FANCD2: variants seen among roughly 807,000 people sequenced by gnomAD.
The protein encoded by FANCD2 is Fanconi anemia group D2 protein.
Under a neutral mutation model 192.3 loss-of-function variants are expected in FANCD2, and 131 were observed. That is an observed-to-expected ratio of 0.68 (90% CI 0.59 to 0.79). The LOEUF (loss-of-function observed/expected upper bound fraction) is 0.79. Ranked by LOEUF, FANCD2 falls within the 30% of genes least tolerant of loss-of-function variation. FANCD2 has a pLI of 0.00. For synonymous variants in FANCD2, 524 were observed against 612.5 expected (o/e 0.86, Z 2.13); for missense variants, 1,508 against 1,701.6 (o/e 0.89, Z 2.00).
Position 10,043,509 on chromosome 3 carries a change from G to T in FANCD2, c.1015G>T (p.Gly339Cys). The T allele has an allele frequency of 6.2e-7, 1 of 1,613,758 alleles. No individual in the cohort carries two copies. Among genetic ancestry groups the T allele is most frequent in the Non-Finnish European group, 8.5e-7 (1 of 1,179,748 alleles). ...ASSSGNQESS[G>C]QSCIILLFDV... ...TTCCTCAGGAAATCAAGAAAGCAGC[G>T]GTCAGAGCTGTATTATTCTCCTCTT... is the stretch of plus-strand genomic sequence containing the variant. Residue 339 changes from glycine to cysteine, a missense_variant, in exon 13 of 44, where the codon GGT (glycine) becomes TGT (cysteine). Coordinates refer to ENST00000675286, the MANE Select transcript of FANCD2 (RefSeq NM_001018115.3).
intron 41 of FANCD2, 189 bp downstream of exon 41, chr3:10,095,463 CA>C (rs1694897826): frequency 3.3e-6 from 2 of 609,590 alleles, no homozygotes. Flanking sequence ...GGAATCTCCG[CA>C]TCTGAAATTT....
chr3:10,062,694 G>A (rs1438798436), intron 20 of FANCD2, among the ~76,000 whole-genome samples: 1 of 152,020 alleles, frequency 6.6e-6, no homozygotes, highest in Non-Finnish European at 1.5e-5. Context: ...ACTGGCTTGG[G>A]TAGCATTTAT....
chr3:10,079,773 A>G (rs1693731746), intron 30 of FANCD2, among the ~76,000 whole-genome samples: 1 of 152,246 alleles, frequency 6.6e-6, no homozygotes. Context: ...AGATGTGTAT[A>G]CAGTGTACAA....
chr3:10,042,684 A>G, intron 11 of FANCD2, 21 bp downstream of exon 11: 4 of 1,590,470 alleles, frequency 2.5e-6, no homozygotes, highest in Non-Finnish European at 3.5e-6. Flanking sequence ...ATATCCCATC[A>G]CACCTAGATA....
chr3:10,052,030 T>A (rs900115025), intron 17 of FANCD2, among the ~76,000 whole-genome samples: 2 of 152,150 alleles, frequency 1.3e-5, no homozygotes, highest in Non-Finnish European at 2.9e-5. Flanking sequence ...AGGTAAAGAA[T>A]ACCGAGAACT....
chr3:10,046,238 A>G (rs1228757709), intron 14 of FANCD2, among the ~76,000 whole-genome samples: 3 of 151,782 alleles, frequency 2.0e-5, no homozygotes, highest in African/African-American at 4.8e-5. Flanking sequence ...TATTTTTAGT[A>G]GAGACGGGGT....
chr3:10,091,044 T>C (rs1430276113), intron 37 of FANCD2, among the ~76,000 whole-genome samples: 5 of 151,830 alleles, frequency 3.3e-5, no homozygotes, highest in African/African-American at 1.2e-4. Context: ...AGGGCTAGCA[T>C]AGGGAAGCAG....
At chr3:10,037,498 C>T (rs192103276) in intron 7 of FANCD2, 8 of 152,192 alleles carry the variant, frequency 5.3e-5, no homozygotes, top group Admixed American at 2.6e-4. Flanking sequence ...TGTCATGTCT[C>T]CTCATTTATC....
rs2086699331 is a variant in FANCD2 at position 10,035,219 on chromosome 3, A to T, written c.424A>T (p.Ile142Phe). The T allele has an allele frequency of 6.2e-7, 1 of 1,613,432 alleles. No homozygotes were observed. The highest frequency in any genetic ancestry group is 1.3e-5 in the African/African-American group (1 of 74,874). ...SKSLIKLLLG[I>F]DILQPAIIKT... is the part of the protein sequence containing the mutation. The stretch of plus-strand genomic sequence containing the variant: ...GAGTCTCATCAAACTGCTTCTGGGG[A>T]TTGACATACTGCAGGTAAGACTGTC... The change falls in exon 6 of 44, where the codon ATT becomes TTT. Residue 142 changes from isoleucine (I) to phenylalanine (F), a missense_variant. Coordinates refer to ENST00000675286, the MANE Select transcript of FANCD2 (RefSeq NM_001018115.3).
At position 10,090,273 on chromosome 3, in the gene FANCD2, T is replaced by C; in HGVS notation, c.3684-19T>C. 1 of 1,594,790 alleles carries C rather than the reference T, an allele frequency of 6.3e-7. No individual in the cohort carries two copies. The highest frequency in any genetic ancestry group is 8.6e-7 in the Non-Finnish European group (1 of 1,163,194). Reference sequence around the variant, plus strand: ...CAGTGCATCATGGTGTGGGCACGCATGCTTTTCCCGTCTTCTAGGCATACT... The same window carrying C: ...CAGTGCATCATGGTGTGGGCACGCACGCTTTTCCCGTCTTCTAGGCATACT... On this transcript the variant is annotated intron_variant, in intron 36 of 43. Coordinates refer to ENST00000675286, the MANE Select transcript of FANCD2 (RefSeq NM_001018115.3).
chr3:10,066,937 C>A (rs1489051096), intron 25 of FANCD2, among the ~76,000 whole-genome samples: 1 of 152,094 alleles, frequency 6.6e-6, no homozygotes, highest in East Asian at 1.9e-4. Context: ...GTTGGCCAGA[C>A]TGGTCTCAAA....
At chr3:10,061,001 A>G (rs956670933) in intron 19 of FANCD2, among the ~76,000 whole-genome samples, 23 of 152,220 alleles carry the variant, frequency 1.5e-4, no homozygotes, top group Non-Finnish European at 2.9e-5. Flanking sequence ...AGGAGTCACA[A>G]TGGTGGGAGC....
intron 2 of FANCD2, chr3:10,032,439 C>A: frequency 3.6e-6 from 1 of 274,316 alleles, no homozygotes; most frequent in Non-Finnish European, 6.7e-6. Flanking sequence ...CGTCTCCTCA[C>A]CTAACTAGTT....
At chr3:10,034,324 C>CAAAAAAAAAAA (rs879221957) in intron 3 of FANCD2, 145 bp from the exon 4 acceptor site, 3 of 418,268 alleles carry the variant, frequency 7.2e-6, no homozygotes, top group South Asian at 2.2e-5. Context: ...AACTCCATCT[C>CAAAAAAAAAAA]AAAAAAAAAA....
Position 10,028,730 on chromosome 3 carries a change from C to G in FANCD2, c.64+9C>G. On this transcript the variant is annotated intron_variant, in intron 2 of 43. Transcript: ENST00000675286. ...GACAGAAGATGCCTCCAGTAAGTAT[C>G]TAGTCATTTGTTGCTTTATTTCCTG... 6.2e-7 allele frequency: 1 copy of G among 1,610,310 alleles called. No individual in the cohort carries two copies.
At chr3:10,086,436 T>A (rs1428665516) in intron 33 of FANCD2, among the ~76,000 whole-genome samples, 1 of 152,108 alleles carries the variant, frequency 6.6e-6, no homozygotes, top group Non-Finnish European at 1.5e-5. Context: ...ACCTAGACCA[T>A]CACTGGGTCA....
intron 29 of FANCD2, among the ~76,000 whole-genome samples, chr3:10,077,333 T>G (rs1442296503): frequency 1.1e-5 from 1 of 93,258 alleles, no homozygotes; most frequent in African/African-American, 7.2e-5. Flanking sequence ...GAGACAGGCG[T>G]TATCACCTGA....
At chr3:10,099,255 A>G (rs1208852119) in intron 43 of FANCD2, 2 of 1,296,798 alleles carry the variant, frequency 1.5e-6, no homozygotes, top group Non-Finnish European at 2.0e-6. Context: ...ACCTTAGAGA[A>G]CTGAAATAAA....
rs2086805290 is a variant in FANCD2, at chr3:10,039,294, A to T, written c.507A>T (p.Glu169Asp). 5 of 1,613,746 alleles carry T rather than the reference A, an allele frequency of 3.1e-6. No individual in the cohort carries two copies. In the East Asian group the frequency reaches 1.1e-4, roughly 36 times the overall value. ...EYFFENKNSD[E>D]INIPRLIVSQ... ...AACATTTTAGCAAGAACAGTGATGAAATCAACATACCTCGACTCATTGTCA... is the reference window on the plus strand; with the variant it reads ...AACATTTTAGCAAGAACAGTGATGATATCAACATACCTCGACTCATTGTCA... The change falls in exon 8 of 44, where the codon GAA becomes GAT. Residue 169 changes from glutamate to aspartate, a missense_variant. Around this residue, in one of 5 missense-constraint regions of FANCD2, gnomAD observed 435 missense variants for 421.9 expected, o/e 1.03. Coordinates refer to ENST00000675286, the MANE Select transcript of FANCD2 (RefSeq NM_001018115.3).
Sources: allele counts gnomAD v4.1 joint callset (sites outside exome capture counted in the v4.1 genomes callset), GRCh38; gene constraint gnomAD v4.1.1; regional missense constraint gnomAD v4.1.1; transcripts MANE v1.5; gene names NCBI Gene and HGNC (gene_info 2026-07-23, HGNC 2026-07-21).